NEK10: variants seen among roughly 807,000 people sequenced by gnomAD.
NEK10 encodes serine/threonine-protein kinase Nek10.
NEK10 carries 122 observed loss-of-function variants against 159.8 expected under a neutral mutation model. The ratio of observed to expected loss-of-function variants is 0.76; its 90% CI spans 0.66 to 0.89. The LOEUF (loss-of-function observed/expected upper bound fraction) is 0.89. Among genes scored for constraint, NEK10 ranks in the 40% least tolerant of loss-of-function variants. NEK10 has a pLI of 0.00. For missense variants in NEK10, 1,342 were observed against 1,323.1 expected, an observed-to-expected ratio of 1.01 and a Z score of -0.22; for synonymous variants, 466 against 457.1, an observed-to-expected ratio of 1.02 and a Z score of -0.25.
intron 5 of NEK10, among the ~76,000 whole-genome samples, chr3:27,326,265 A>G (rs1208542739): frequency 6.6e-6 from 1 of 152,232 alleles, no homozygotes; most frequent in Non-Finnish European, 1.5e-5. Flanking sequence ...GGTTAGCTAA[A>G]GGCAGCATGT....
At chr3:27,205,654 T>C (rs1366594567) in intron 23 of NEK10, among the ~76,000 whole-genome samples, 4 of 139,604 alleles carry the variant, frequency 2.9e-5, no homozygotes, top group Non-Finnish European at 4.6e-5. Flanking sequence ...TGGATAGCCA[T>C]ATGTAGAAAG....
In NEK10 at chr3:27,242,353, A is replaced by T. The variant is rs892993440; in HGVS notation, c.2090+13943T>A. ...TCGATTGATCAATCTATTGCCATCC[A>T]TCCATCCTTCCATCCATCCATCCAA... On this transcript the variant is annotated intron_variant, in intron 23 of 35. Coordinates refer to ENST00000691995, the MANE Select transcript of NEK10 (RefSeq NM_001394966.1). Among the ~76,000 whole-genome samples, 4 of 152,314 alleles carry T rather than the reference A, an allele frequency of 2.6e-5. 1 individual carries two copies. The South Asian group carries it at 8.3e-4, about 32-fold the overall frequency.
At chr3:27,204,275 C>CTTTTT (rs1203026508) in intron 23 of NEK10, among the ~76,000 whole-genome samples, 47 of 63,874 alleles carry the variant, frequency 7.4e-4, no homozygotes, top group African/African-American at 1.0e-3. Context: ...GATAAATTTT[C>CTTTTT]TTTTTTTTTT....
At chr3:27,361,191 A>G (rs1391620629) in intron 1 of NEK10, among the ~76,000 whole-genome samples, 1 of 152,320 alleles carries the variant, frequency 6.6e-6, no homozygotes, top group Middle Eastern at 3.4e-3. Flanking sequence ...CTTTTATTGT[A>G]AAGGGAAATC....
Position 27,310,989 on chromosome 3 carries a change from T to G in NEK10, c.596A>C (p.Lys199Thr), listed in dbSNP as rs1441003118. The G allele has an allele frequency of 3.1e-6, 5 of 1,612,518 alleles. No homozygotes were observed. In the Admixed American group the frequency reaches 6.7e-5, roughly 21 times the overall value. ...TGTGGTGACCCATTCTCTTTGATCT[T>G]TGACTGCAGCAAGTTTTTGAAAAAT... is the stretch of plus-strand genomic sequence containing the variant. ...TYIFQKLAAV[K>T]DQREWVTTSG... The change falls in exon 9 of 36, where the codon AAA becomes ACA. Residue 199 changes from lysine to threonine, a missense_variant. Physicochemically the swap from Lys to Thr is moderately conservative, Grantham distance 78. Transcript: ENST00000691995.
chr3:27,306,992 T>C (rs2044295592), intron 11 of NEK10, among the ~76,000 whole-genome samples: 1 of 152,152 alleles, frequency 6.6e-6, no homozygotes, highest in African/African-American at 2.4e-5. Context: ...CTCCACATTC[T>C]AATTGGGAAG....
chr3:27,174,847 T>C lies in NEK10; in HGVS notation c.2506-14A>G. On this transcript the variant is annotated splice_polypyrimidine_tract_variant and intron_variant, in intron 26 of 35. Transcript: ENST00000691995. ...CTCAAAGGTCTCCTGGAAAGAGAAA[T>C]TCAGTTTTTCATAGCCTCTTTCTCT... 1 of 1,554,804 alleles carries C rather than the reference T, an allele frequency of 6.4e-7. No homozygotes were observed. Among genetic ancestry groups the C allele is most frequent in the East Asian group, 2.3e-5 (1 of 44,280 alleles).
At chr3:27,233,647 C>T (rs1953566537) in intron 23 of NEK10, among the ~76,000 whole-genome samples, 1 of 151,834 alleles carries the variant, frequency 6.6e-6, no homozygotes, top group Non-Finnish European at 1.5e-5. Context: ...ACCTAAGTGC[C>T]CATCAACCAA....
chr3:27,135,685 C>T (rs1943120513), intron 31 of NEK10, among the ~76,000 whole-genome samples: 1 of 152,188 alleles, frequency 6.6e-6, no homozygotes, highest in Non-Finnish European at 1.5e-5. Context: ...GTTATTTTGA[C>T]ATTACTGCAT....
intron 5 of NEK10, among the ~76,000 whole-genome samples, chr3:27,343,940 A>T (rs2047374603): frequency 6.6e-6 from 1 of 152,244 alleles, no homozygotes; most frequent in African/African-American, 2.4e-5. Flanking sequence ...GCAAAAGTGC[A>T]GCATAAGAAT....
chr3:27,128,428 C>T (rs1411538656), intron 32 of NEK10, among the ~76,000 whole-genome samples: 1 of 152,076 alleles, frequency 6.6e-6, no homozygotes, highest in East Asian at 1.9e-4. Flanking sequence ...TAAACAGGGA[C>T]TGCAAAACAG....
chr3:27,164,707 A>G (rs550361125), intron 29 of NEK10, among the ~76,000 whole-genome samples: 5 of 152,276 alleles, frequency 3.3e-5, no homozygotes, highest in African/African-American at 1.2e-4. Context: ...GTCTTCATAC[A>G]TTTATTACAT....
At chr3:27,267,863 G>C (rs1414310498) in intron 22 of NEK10, among the ~76,000 whole-genome samples, 4 of 152,198 alleles carry the variant, frequency 2.6e-5, no homozygotes, top group Non-Finnish European at 4.4e-5. Context: ...GTCCAAAGCT[G>C]AGACAGGCTG....
chr3:27,322,087 T>C, intron 6 of NEK10, 90 bp downstream of exon 6: 1 of 662,362 alleles, frequency 1.5e-6, no homozygotes, highest in East Asian at 2.7e-5. Flanking sequence ...AAACAAAAAG[T>C]AAACATGGAC....
chr3:27,272,937 T>A (rs922241698), intron 22 of NEK10, among the ~76,000 whole-genome samples: 1 of 152,164 alleles, frequency 6.6e-6, no homozygotes, highest in Non-Finnish European at 1.5e-5. Flanking sequence ...GCCCCCCAAC[T>A]GCTTCCTAAC....
At chr3:27,174,584 G>C (rs976647562) in intron 27 of NEK10, 59 bp from the exon 28 acceptor site, 23 of 1,601,284 alleles carry the variant, frequency 1.4e-5, no homozygotes, top group Non-Finnish European at 1.5e-5. Context: ...AAGGAGTCCA[G>C]AATACATTCA....
intron 23 of NEK10, chr3:27,215,511 A>G (rs35896441): frequency 0.25 from 109,471 of 441,540 alleles, 14,831 homozygotes; most frequent in Middle Eastern, 0.38. Flanking sequence ...AATATAAGGC[A>G]TAGAATATCT....
At chr3:27,251,030 C>T (rs557712756) in intron 23 of NEK10, among the ~76,000 whole-genome samples, 1 of 152,234 alleles carries the variant, frequency 6.6e-6, no homozygotes, top group African/African-American at 2.4e-5. Flanking sequence ...CTAGTGAGTG[C>T]TTACCATATG....
At chr3:27,258,103 G>C (rs1203011010) in intron 22 of NEK10, among the ~76,000 whole-genome samples, 1 of 151,790 alleles carries the variant, frequency 6.6e-6, no homozygotes, top group Admixed American at 6.6e-5. Context: ...GCCTCCAATA[G>C]CTTTCTTATC....
Sources: gnomAD v4.1 joint callset for allele counts (sites outside exome capture counted in the v4.1 genomes callset) on GRCh38, gnomAD v4.1.1 for gene constraint, MANE v1.5 for transcripts, NCBI Gene and HGNC (gene_info 2026-07-23, HGNC 2026-07-21) for gene names.